HDAC9: variants seen among roughly 807,000 people sequenced by gnomAD.
HDAC9 encodes histone deacetylase 9, also known as MEF-2 interacting transcription repressor (MITR) protein.
HDAC9 carries 41 observed loss-of-function variants against 139.4 expected under a neutral mutation model. The ratio of observed to expected loss-of-function variants is 0.29; its 90% confidence interval spans 0.23 to 0.38. The LOEUF (loss-of-function observed/expected upper bound fraction) is 0.38, where lower values mean the gene tolerates loss of function less well. Among genes scored for constraint, HDAC9 ranks in the 10% least tolerant of loss-of-function variants. The pLI is 1.00. For missense variants in HDAC9, 1,147 were observed against 1,297.0 expected, an observed-to-expected ratio of 0.88 and a Z score of 1.78; for synonymous variants, 517 against 476.2, an observed-to-expected ratio of 1.09 and a Z score of -1.12.
chr7:18,937,323 C>G (rs549288693), intron 23 of HDAC9, among the ~76,000 whole-genome samples: 2 of 152,166 alleles, frequency 1.3e-5, no homozygotes, highest in African/African-American at 4.8e-5. Context: ...CAGGCCTGAA[C>G]CACCGTGCCT....
chr7:18,579,150 A>G lies in HDAC9; in HGVS notation c.23-6131A>G, dbSNP rs554721621. Among the ~76,000 whole-genome samples the G allele has an allele frequency of 7.2e-5, 11 of 152,364 alleles. No individual in the cohort carries two copies. The South Asian group carries it at 2.3e-3, about 32-fold the overall frequency. ...ATGATACATGTAAATGTAATTTAAT[A>G]GAACCAGCCTGCCATGGCAAAGATT... On this transcript the variant is annotated intron_variant, in intron 2 of 25. Coordinates refer to ENST00000686413, the MANE Select transcript of HDAC9 (RefSeq NM_178425.4).
At chr7:18,818,897 C>A (rs532289301) in intron 17 of HDAC9, among the ~76,000 whole-genome samples, 7 of 152,192 alleles carry the variant, frequency 4.6e-5, no homozygotes, top group Admixed American at 2.6e-4. Flanking sequence ...ATGAATGCAG[C>A]AAGTAAAATG....
At chr7:18,955,564 C>T (rs573570027) in intron 24 of HDAC9, among the ~76,000 whole-genome samples, 10 of 152,210 alleles carry the variant, frequency 6.6e-5, no homozygotes, top group African/African-American at 2.4e-4. Flanking sequence ...CTTCAATAGG[C>T]ATTTTTGAGT....
chr7:18,355,851 A>C (rs947960612), intron 1 of HDAC9, among the ~76,000 whole-genome samples: 4 of 152,112 alleles, frequency 2.6e-5, no homozygotes, highest in Admixed American at 2.0e-4. Flanking sequence ...TCTGTTTTAA[A>C]AACAAAAGAG....
At chr7:18,135,041 G>A (rs1785290036) in intron 1 of HDAC9, among the ~76,000 whole-genome samples, 1 of 152,066 alleles carries the variant, frequency 6.6e-6, no homozygotes, top group Admixed American at 6.6e-5. Context: ...GATAGTAATA[G>A]TAGTAATGGT....
intron 17 of HDAC9, among the ~76,000 whole-genome samples, chr7:18,815,815 C>A (rs1039459154): frequency 6.6e-6 from 1 of 152,208 alleles, no homozygotes; most frequent in Non-Finnish European, 1.5e-5. Flanking sequence ...AAATGGTATT[C>A]CCATATGTCC....
At chr7:18,991,597 A>G (rs1383798959) in intron 25 of HDAC9, among the ~76,000 whole-genome samples, 1 of 151,842 alleles carries the variant, frequency 6.6e-6, no homozygotes, top group Non-Finnish European at 1.5e-5. Flanking sequence ...AGATGGTGCC[A>G]TTGCACTCCA....
chr7:18,163,119 T>C (rs1584403281), intron 2 of HDAC9, among the ~76,000 whole-genome samples: 1 of 152,314 alleles, frequency 6.6e-6, no homozygotes, highest in South Asian at 2.1e-4. Flanking sequence ...TTGAAGCTTA[T>C]GTACTATCAT....
At chr7:18,481,904 C>T (rs984925101) in intron 1 of HDAC9, among the ~76,000 whole-genome samples, 27 of 152,088 alleles carry the variant, frequency 1.8e-4, no homozygotes, top group African/African-American at 6.5e-4. Context: ...TTGTTACTTC[C>T]TCATGTCCAG....
At chr7:18,568,488 A>G (rs545919607) in intron 2 of HDAC9, among the ~76,000 whole-genome samples, 21 of 152,322 alleles carry the variant, frequency 1.4e-4, no homozygotes, top group Admixed American at 1.3e-3. Flanking sequence ...CTCATTTTAA[A>G]GTGCCATCAT....
At chr7:18,768,955 T>C (rs1189546648) in intron 16 of HDAC9, among the ~76,000 whole-genome samples, 1 of 152,212 alleles carries the variant, frequency 6.6e-6, no homozygotes, top group Non-Finnish European at 1.5e-5. Flanking sequence ...TAGATGCTTT[T>C]GCCAAACTGT....
At chr7:18,410,854 A>T (rs1022494201) in intron 1 of HDAC9, among the ~76,000 whole-genome samples, 1 of 152,218 alleles carries the variant, frequency 6.6e-6, no homozygotes, top group Non-Finnish European at 1.5e-5. Flanking sequence ...ATCAAGTCTT[A>T]TGATTAATAT....
At chr7:18,556,137 T>C (rs1818726243) in intron 2 of HDAC9, among the ~76,000 whole-genome samples, 2 of 152,058 alleles carry the variant, frequency 1.3e-5, no homozygotes, top group Non-Finnish European at 2.9e-5. Flanking sequence ...AGTTCAAAAA[T>C]GTTATAGCTG....
chr7:18,592,248 C>T (rs938813451), intron 5 of HDAC9, among the ~76,000 whole-genome samples: 18 of 152,074 alleles, frequency 1.2e-4, no homozygotes, highest in African/African-American at 4.1e-4. Context: ...CTGCCCACCT[C>T]ACTTCATTTC....
chr7:18,106,607 G>C (rs746698110), intron 1 of HDAC9, among the ~76,000 whole-genome samples: 3 of 151,900 alleles, frequency 2.0e-5, no homozygotes, highest in Non-Finnish European at 4.4e-5. Context: ...CACACTCTAC[G>C]ACACCTGGCT....
intron 2 of HDAC9, among the ~76,000 whole-genome samples, chr7:18,560,908 T>C (rs1243435700): frequency 1.3e-5 from 2 of 152,098 alleles, no homozygotes. Context: ...ATCTGGAAGT[T>C]TGCTTGGACC....
intron 12 of HDAC9, among the ~76,000 whole-genome samples, chr7:18,707,692 A>T (rs1784034770): frequency 6.6e-6 from 1 of 152,156 alleles, no homozygotes; most frequent in Non-Finnish European, 1.5e-5. Context: ...GGATATGGGC[A>T]ATTATTATTT....
At chr7:18,445,870 A>G (rs559813724) in intron 1 of HDAC9, among the ~76,000 whole-genome samples, 2 of 152,352 alleles carry the variant, frequency 1.3e-5, no homozygotes, top group African/African-American at 2.4e-5. Context: ...AAAGCAGAGA[A>G]TTAAAAGAAG....
At chr7:18,157,055 C>T (rs1415698081) in intron 1 of HDAC9, among the ~76,000 whole-genome samples, 1 of 152,180 alleles carries the variant, frequency 6.6e-6, no homozygotes, top group Non-Finnish European at 1.5e-5. Flanking sequence ...GTGAGACAAA[C>T]TGATACCCTA....
Sources: allele counts gnomAD v4.1 joint callset (sites outside exome capture counted in the v4.1 genomes callset), GRCh38; gene constraint gnomAD v4.1.1; transcripts MANE v1.5; gene names NCBI Gene and HGNC (gene_info 2026-07-23, HGNC 2026-07-21).